TAMM41: variants seen among roughly 807,000 people sequenced by gnomAD.
The protein encoded by TAMM41 is phosphatidate cytidylyltransferase, mitochondrial.
TAMM41 carries 36 observed loss-of-function variants against 44.1 expected under a neutral mutation model. The ratio of observed to expected loss-of-function variants is 0.82; its 90% CI spans 0.63 to 1.08. The LOEUF (loss-of-function observed/expected upper bound fraction) is 1.08. TAMM41 is among the 50% of genes least tolerant of loss of function. TAMM41 has a pLI of 0.00. For missense variants in TAMM41, 417 were observed against 404.3 expected (o/e 1.03, Z -0.27); for synonymous variants, 164 against 153.1 (o/e 1.07, Z -0.53).
At chr3:11,725,124 CTCCTCTTCTCCTCTCTCCTCTTCTCCT>C in the TAMM41 span, 1 of 150,390 alleles carries the variant, frequency 6.6e-6, no homozygotes, top group Non-Finnish European at 1.5e-5. Context: ...CCTCCTCCCC[CTCCTCTTCTCCTCTCTCCTCTTCTCCT>C]TCCTCTTCTC....
the TAMM41 span, among the ~76,000 whole-genome samples, chr3:11,748,351 C>CGGCTCA: frequency 2.0e-5 from 3 of 151,774 alleles, no homozygotes; most frequent in Non-Finnish European, 4.4e-5. Flanking sequence ...GGCATGATCT[C>CGGCTCA]GGCTCACTGC....
At chr3:11,766,033 AC>A in the TAMM41 span, among the ~76,000 whole-genome samples, 29 of 152,076 alleles carry the variant, frequency 1.9e-4, no homozygotes, top group Non-Finnish European at 2.8e-4. Context: ...TCCATCCAAA[AC>A]TTTGGTCAGC....
At chr3:11,747,898 A>T in the TAMM41 span, among the ~76,000 whole-genome samples, 2 of 141,836 alleles carry the variant, frequency 1.4e-5, no homozygotes, top group African/African-American at 5.2e-5. Flanking sequence ...TTTTTGAGAC[A>T]GGGTCTTGCT....
chr3:11,736,412 T>A, the TAMM41 span, among the ~76,000 whole-genome samples: 1 of 152,216 alleles, frequency 6.6e-6, no homozygotes, highest in East Asian at 1.9e-4. Flanking sequence ...GTTTTCTGAA[T>A]TTCAATTCCA....
At chr3:11,748,732 AG>A in the TAMM41 span, among the ~76,000 whole-genome samples, 1 of 152,110 alleles carries the variant, frequency 6.6e-6, no homozygotes. Context: ...GAAAAGGGAC[AG>A]AAACTGACAT....
At chr3:11,808,035 A>G in intron 6 of TAMM41, 140 bp from the exon 7 acceptor site, 1 of 1,413,168 alleles carries the variant, frequency 7.1e-7, no homozygotes, top group Non-Finnish European at 9.2e-7. Context: ...CTGCTGTCAC[A>G]GTGACAATGA....
rs371312634 is a variant in TAMM41, at chr3:11,817,421, G to A, written c.563-84C>T. 1.3e-4 allele frequency: 187 copies of A among 1,386,412 alleles called. 2 individuals are homozygous for A. Among genetic ancestry groups the A allele is most frequent in the Admixed American group, 8.8e-4 (45 of 51,304 alleles). The allele number at this position is 1,386,412 out of a possible 1,614,324, so 85.9% of individuals were successfully genotyped here. On this transcript the variant is annotated intron_variant, in intron 4 of 7. Coordinates refer to ENST00000455809, the MANE Select transcript of TAMM41 (RefSeq NM_001284401.2). ...GAACGACGCTCCCCACACTGATACC[G>A]CACGGGTTCACTCTGGCAGGATCCC...
At chr3:11,733,450 C>T in the TAMM41 span, among the ~76,000 whole-genome samples, 110 of 152,076 alleles carry the variant, frequency 7.2e-4, no homozygotes, top group African/African-American at 2.6e-3. Flanking sequence ...GGGGGTGTTG[C>T]ATGACTCAGC....
the TAMM41 span, among the ~76,000 whole-genome samples, chr3:11,743,723 T>C: frequency 0.67 from 101,840 of 151,768 alleles, 35,361 homozygotes; most frequent in African/African-American, 0.85. Context: ...AGCCTCCCTC[T>C]GTCGCCTCAC....
At chr3:11,822,424 T>C (rs2078559929) in intron 4 of TAMM41, among the ~76,000 whole-genome samples, 1 of 152,184 alleles carries the variant, frequency 6.6e-6, no homozygotes, top group Admixed American at 6.5e-5. Context: ...CCAGCCTCCC[T>C]ACAAGAAACC....
At chr3:11,772,509 T>C in the TAMM41 span, among the ~76,000 whole-genome samples, 10 of 152,224 alleles carry the variant, frequency 6.6e-5, no homozygotes, top group African/African-American at 2.4e-4. Flanking sequence ...TCCATGTTGC[T>C]GCAAAAGACG....
At chr3:11,750,830 T>C in the TAMM41 span, among the ~76,000 whole-genome samples, 13,858 of 152,212 alleles carry the variant, frequency 0.091, 672 homozygotes, top group South Asian at 0.16. Context: ...GGAGACTTTA[T>C]TGATGCATGG....
chr3:11,748,924 T>TC, the TAMM41 span, among the ~76,000 whole-genome samples: 1 of 149,070 alleles, frequency 6.7e-6, no homozygotes, highest in African/African-American at 2.5e-5. Context: ...TTTTTTTTTT[T>TC]TTTTTTGAGA....
the TAMM41 span, among the ~76,000 whole-genome samples, chr3:11,724,017 T>G: frequency 6.6e-6 from 1 of 152,102 alleles, no homozygotes; most frequent in Non-Finnish European, 1.5e-5. Flanking sequence ...GGGGTGACAC[T>G]ACTCTATCTG....
At chr3:11,767,548 G>T in the TAMM41 span, among the ~76,000 whole-genome samples, 1 of 150,658 alleles carries the variant, frequency 6.6e-6, no homozygotes, top group Non-Finnish European at 1.5e-5. Context: ...GTTTTCTGTA[G>T]TAGCTTTACT....
the TAMM41 span, among the ~76,000 whole-genome samples, chr3:11,739,778 G>A: frequency 1.3e-5 from 2 of 151,546 alleles, no homozygotes; most frequent in African/African-American, 2.4e-5. Context: ...CACCAACTCT[G>A]GACCTTTATC....
the TAMM41 span, among the ~76,000 whole-genome samples, chr3:11,766,651 T>C: frequency 5.3e-5 from 8 of 152,164 alleles, no homozygotes; most frequent in African/African-American, 1.9e-4. Context: ...ACTGCAGCCT[T>C]GACTTCCTGG....
At chr3:11,819,578 T>C (rs1171831892) in intron 4 of TAMM41, among the ~76,000 whole-genome samples, 3 of 152,162 alleles carry the variant, frequency 2.0e-5, no homozygotes, top group Non-Finnish European at 2.9e-5. Flanking sequence ...TCATTTAATA[T>C]GCAGTAAGAA....
chr3:11,759,842 C>T, the TAMM41 span, among the ~76,000 whole-genome samples: 57 of 152,070 alleles, frequency 3.7e-4, no homozygotes, highest in African/African-American at 1.1e-3. Flanking sequence ...GGCGTGGTGG[C>T]ACGCGCCTGT....
Sources: gnomAD v4.1 joint callset for allele counts (sites outside exome capture counted in the v4.1 genomes callset) on GRCh38, gnomAD v4.1.1 for gene constraint, MANE v1.5 for transcripts, NCBI Gene and HGNC (gene_info 2026-07-23, HGNC 2026-07-21) for gene names.